RAB31: variants seen among roughly 807,000 people sequenced by gnomAD.
The protein encoded by RAB31 is ras-related protein Rab-31.
RAB31 carries 21 observed loss-of-function variants against 25.6 expected under a neutral mutation model. The observed-to-expected ratio is 0.82, with a 90% CI of 0.58 to 1.18. The LOEUF is 1.18. Among genes scored for constraint, RAB31 ranks in the 50% most tolerant of loss-of-function variants. RAB31 has a pLI of 0.00. For synonymous variants in RAB31, 87 were observed against 84.0 expected (o/e 1.04, Z -0.20); for missense variants, 196 against 250.1 (o/e 0.78, Z 1.46).
chr18:9,728,063 A>G (rs1013230284), intron 1 of RAB31, among the ~76,000 whole-genome samples: 1 of 152,246 alleles, frequency 6.6e-6, no homozygotes, highest in Non-Finnish European at 1.5e-5. Flanking sequence ...AAAAAAGACC[A>G]CCTTTCTCTA....
chr18:9,734,244 G>C (rs894317264), intron 1 of RAB31, among the ~76,000 whole-genome samples: 9 of 152,108 alleles, frequency 5.9e-5, no homozygotes, highest in African/African-American at 1.7e-4. Context: ...GCCCTGTGAG[G>C]TGTTGCTCTT....
At chr18:9,750,894 A>G (rs1370998608) in intron 1 of RAB31, among the ~76,000 whole-genome samples, 2 of 152,116 alleles carry the variant, frequency 1.3e-5, no homozygotes, top group East Asian at 3.9e-4. Context: ...AGTGGGGGCA[A>G]TGTACTGTTG....
chr18:9,837,728 G>A (rs752276307), intron 5 of RAB31, among the ~76,000 whole-genome samples: 1 of 152,184 alleles, frequency 6.6e-6, no homozygotes, highest in Non-Finnish European at 1.5e-5. Context: ...TTGAATAAAA[G>A]TTTCTCAGAA....
chr18:9,712,635 T>C (rs76619491), intron 1 of RAB31, among the ~76,000 whole-genome samples: 5,242 of 152,196 alleles, frequency 0.034, 101 homozygotes, highest in Middle Eastern at 0.071. Context: ...CACATCACCA[T>C]GTGGCAAGAA....
intron 3 of RAB31, among the ~76,000 whole-genome samples, chr18:9,794,745 G>T (rs532785133): frequency 6.6e-6 from 1 of 152,116 alleles, no homozygotes; most frequent in Non-Finnish European, 1.5e-5. Flanking sequence ...AACCCGGGAG[G>T]CGGAGGTTGC....
intron 1 of RAB31, among the ~76,000 whole-genome samples, chr18:9,735,893 A>G (rs1472101271): frequency 1.3e-5 from 2 of 152,184 alleles, no homozygotes; most frequent in Non-Finnish European, 2.9e-5. Flanking sequence ...TTGGAGTGCC[A>G]TGGTGAGATA....
intron 1 of RAB31, among the ~76,000 whole-genome samples, chr18:9,741,697 G>A (rs1454279196): frequency 6.6e-6 from 1 of 152,244 alleles, no homozygotes; most frequent in Non-Finnish European, 1.5e-5. Context: ...GCTGTGGGCA[G>A]GGGTGGAGGC....
intron 2 of RAB31, among the ~76,000 whole-genome samples, chr18:9,786,245 T>C (rs58983572): frequency 5.4e-4 from 83 of 152,344 alleles, no homozygotes; most frequent in African/African-American, 2.0e-3. Flanking sequence ...TCAGGGCACT[T>C]CTGGAGAGCT....
intron 1 of RAB31, among the ~76,000 whole-genome samples, chr18:9,758,701 G>A (rs1354089242): frequency 6.6e-6 from 1 of 152,126 alleles, no homozygotes; most frequent in Admixed American, 6.5e-5. Context: ...CAATAGCCAT[G>A]TGCTTCCCTT....
At chr18:9,724,656 C>G (rs1033363150) in intron 1 of RAB31, among the ~76,000 whole-genome samples, 1 of 152,182 alleles carries the variant, frequency 6.6e-6, no homozygotes, top group Non-Finnish European at 1.5e-5. Context: ...GTACATAGCC[C>G]TGGAATGCAC....
chr18:9,713,260 C>T (rs1011409770), intron 1 of RAB31, among the ~76,000 whole-genome samples: 1 of 152,122 alleles, frequency 6.6e-6, no homozygotes, highest in African/African-American at 2.4e-5. Context: ...GTCTGAGATT[C>T]TAGTAACTTA....
At chr18:9,853,145 T>G (rs1290013781) in intron 6 of RAB31, among the ~76,000 whole-genome samples, 1 of 152,206 alleles carries the variant, frequency 6.6e-6, no homozygotes, top group East Asian at 1.9e-4. Context: ...CAGATATTTG[T>G]TTTTCAATTA....
chr18:9,759,895 T>G (rs1031201625), intron 1 of RAB31, among the ~76,000 whole-genome samples: 1 of 152,050 alleles, frequency 6.6e-6, no homozygotes, highest in Non-Finnish European at 1.5e-5. Flanking sequence ...TTATCAGGAT[T>G]GTGTCCACTT....
At chr18:9,730,345 G>C (rs545472040) in intron 1 of RAB31, among the ~76,000 whole-genome samples, 1 of 150,200 alleles carries the variant, frequency 6.7e-6, no homozygotes, top group African/African-American at 2.5e-5. Context: ...GGAGTGCAGT[G>C]GCATGATCTT....
At chr18:9,736,974 T>C (rs967583975) in intron 1 of RAB31, among the ~76,000 whole-genome samples, 2 of 152,226 alleles carry the variant, frequency 1.3e-5, no homozygotes, top group African/African-American at 4.8e-5. Flanking sequence ...CTCTTTCAAA[T>C]AGCTATTAAA....
chr18:9,718,733 G>A (rs1051486043), intron 1 of RAB31, among the ~76,000 whole-genome samples: 1 of 152,216 alleles, frequency 6.6e-6, no homozygotes, highest in Admixed American at 6.5e-5. Context: ...GTGCCAATAC[G>A]GGCAGGTTCT....
At chr18:9,809,156 T>A (rs1188349060) in intron 3 of RAB31, among the ~76,000 whole-genome samples, 3 of 152,228 alleles carry the variant, frequency 2.0e-5, no homozygotes, top group Admixed American at 2.0e-4. Flanking sequence ...ATCCTGAGCC[T>A]GTTTTTACCT....
At chr18:9,814,263 A>G (rs776386194) in intron 4 of RAB31, among the ~76,000 whole-genome samples, 172 bp downstream of exon 4, 1 of 152,224 alleles carries the variant, frequency 6.6e-6, no homozygotes, top group Non-Finnish European at 1.5e-5. Flanking sequence ...AAATTAAACA[A>G]TAATGACCAT....
intron 5 of RAB31, among the ~76,000 whole-genome samples, chr18:9,817,255 C>T (rs1030789745): frequency 2.0e-4 from 31 of 152,006 alleles, no homozygotes; most frequent in Admixed American, 1.5e-3. Context: ...TAAGTGGAAC[C>T]GAGTCTTATG....
Sources: gnomAD v4.1 joint callset for allele counts (sites outside exome capture counted in the v4.1 genomes callset) on GRCh38, gnomAD v4.1.1 for gene constraint, MANE v1.5 for transcripts, NCBI Gene and HGNC (gene_info 2026-07-23, HGNC 2026-07-21) for gene names.